Variants in SLCO1A2 observed in about 807,000 individuals in gnomAD.
The protein encoded by SLCO1A2 is OATP-1.
SLCO1A2 carries 67 observed loss-of-function variants against 69.0 expected under a neutral mutation model. That is an observed-to-expected ratio of 0.97 (90% CI 0.80 to 1.19). The LOEUF (loss-of-function observed/expected upper bound fraction) is 1.19, where lower values mean the gene tolerates loss of function less well. Among genes scored for constraint, SLCO1A2 ranks in the 50% most tolerant of loss-of-function variants. SLCO1A2 has a pLI of 0.00. For missense variants in SLCO1A2, 787 were observed against 793.7 expected (o/e 0.99, Z 0.10); for synonymous variants, 260 against 265.9 (o/e 0.98, Z 0.22).
At chr12:21,298,562 T>C (rs567909458) in intron 8 of SLCO1A2, among the ~76,000 whole-genome samples, 1 of 152,310 alleles carries the variant, frequency 6.6e-6, no homozygotes, top group South Asian at 2.1e-4. Context: ...GACACACAGA[T>C]TAATGCAAGT....
chr12:21,386,278 A>T (rs1446228945), intron 1 of SLCO1A2, among the ~76,000 whole-genome samples: 3 of 152,136 alleles, frequency 2.0e-5, no homozygotes. Flanking sequence ...TTTATATATT[A>T]AAAAAACAAT....
chr12:21,366,481 G>T (rs571347708), intron 2 of SLCO1A2, among the ~76,000 whole-genome samples: 5 of 151,922 alleles, frequency 3.3e-5, no homozygotes, highest in Non-Finnish European at 7.4e-5. Context: ...CCAACATGGC[G>T]CACGTATTCC....
At chr12:21,304,338 A>C in intron 6 of SLCO1A2, 89 bp downstream of exon 6, 2 of 1,078,298 alleles carry the variant, frequency 1.9e-6, no homozygotes, top group Non-Finnish European at 2.7e-6. Context: ...TCATTGTGGA[A>C]ATCACTAAGA....
At chr12:21,415,747 G>T (rs1272005544) in intron 1 of SLCO1A2, among the ~76,000 whole-genome samples, 1 of 151,930 alleles carries the variant, frequency 6.6e-6, no homozygotes, top group African/African-American at 2.4e-5. Context: ...TATAGTATAT[G>T]TGTATGTGCT....
At chr12:21,300,891 A>C (rs1423094454) in intron 7 of SLCO1A2, among the ~76,000 whole-genome samples, 1 of 152,256 alleles carries the variant, frequency 6.6e-6, no homozygotes, top group Non-Finnish European at 1.5e-5. Context: ...AAATAAATTC[A>C]AACCTACATG....
chr12:21,347,665 A>AAGAAAGGAAGGAAGGAAGG (rs1565510400), intron 2 of SLCO1A2, among the ~76,000 whole-genome samples: 1 of 6,388 alleles, frequency 1.6e-4, no homozygotes, highest in Admixed American at 2.6e-3. Flanking sequence ...AAGAAGAAAG[A>AAGAAAGGAAGGAAGGAAGG]AAGAAAGGAA....
At chr12:21,399,928 A>C (rs1941630023), upstream of SLCO1A2, among the ~76,000 whole-genome samples, 1 of 151,906 alleles carries the variant, frequency 6.6e-6, no homozygotes, top group African/African-American at 2.4e-5. Context: ...AAACCCTAGA[A>C]GAAAAGCTAG....
chr12:21,271,650 TAC>T (rs1942864475), intron 14 of SLCO1A2, among the ~76,000 whole-genome samples: 1 of 148,720 alleles, frequency 6.7e-6, no homozygotes, highest in Non-Finnish European at 1.5e-5. Context: ...CATCTTTATA[TAC>T]ATATGTGTAT....
chr12:21,275,018 C>T (rs4337089), intron 13 of SLCO1A2: 123,271 of 1,015,206 alleles, frequency 0.12, 8,178 homozygotes, highest in Non-Finnish European at 0.13. Flanking sequence ...ATATTTATAA[C>T]GTGCTTTTTA....
At chr12:21,320,928 C>T (rs1296301324) in intron 2 of SLCO1A2, among the ~76,000 whole-genome samples, 2 of 152,188 alleles carry the variant, frequency 1.3e-5, no homozygotes, top group Non-Finnish European at 2.9e-5. Context: ...TTCCCTCAGC[C>T]TTGATGGTTA....
chr12:21,377,730 C>T (rs900262863), intron 1 of SLCO1A2, among the ~76,000 whole-genome samples: 5 of 152,138 alleles, frequency 3.3e-5, no homozygotes, highest in Non-Finnish European at 7.4e-5. Flanking sequence ...TTGCATATTG[C>T]AGAATTCCCT....
At chr12:21,414,800 T>C (rs1376559426) in intron 1 of SLCO1A2, among the ~76,000 whole-genome samples, 2 of 152,230 alleles carry the variant, frequency 1.3e-5, no homozygotes, top group Non-Finnish European at 1.5e-5. Context: ...CCTGGATTTA[T>C]AAACATTTCT....
At chr12:21,371,490 T>C (rs1939785182) in intron 2 of SLCO1A2, among the ~76,000 whole-genome samples, 4 of 152,178 alleles carry the variant, frequency 2.6e-5, no homozygotes, top group Admixed American at 2.6e-4. Flanking sequence ...TCTAAACAAG[T>C]TTCTTTCCTC....
At chr12:21,359,089 G>T (rs1441711021) in intron 2 of SLCO1A2, among the ~76,000 whole-genome samples, 1 of 152,092 alleles carries the variant, frequency 6.6e-6, no homozygotes, top group East Asian at 1.9e-4. Context: ...GGGATTTTTA[G>T]ACCCCAGAAA....
At chr12:21,276,973 G>A (rs1400372643) in intron 12 of SLCO1A2, among the ~76,000 whole-genome samples, 6 of 152,200 alleles carry the variant, frequency 3.9e-5, no homozygotes, top group Non-Finnish European at 7.3e-5. Context: ...AGGTTGCAAG[G>A]ACTACAACTC....
intron 2 of SLCO1A2, among the ~76,000 whole-genome samples, chr12:21,371,967 A>G (rs1171774253): frequency 1.3e-5 from 2 of 151,946 alleles, no homozygotes; most frequent in Non-Finnish European, 2.9e-5. Flanking sequence ...GCACCCTTGT[A>G]CTCCAGCCTG....
chr12:21,397,506 C>T (rs576294945), upstream of SLCO1A2, among the ~76,000 whole-genome samples: 6,069 of 152,072 alleles, frequency 0.04, 153 homozygotes, highest in Non-Finnish European at 0.049. Context: ...CTGAACTCAG[C>T]TCTGCACCAA....
Position 21,304,590 on chromosome 12 carries a change from A to C in SLCO1A2, c.443-17T>G. On this transcript the variant is annotated splice_polypyrimidine_tract_variant and intron_variant, in intron 5 of 14. Coordinates refer to ENST00000683939, the MANE Select transcript of SLCO1A2 (RefSeq NM_001386879.1). ...TTGTACACTCTGCATTAAAAAAAAA[A>C]GACATGACATTAGTGCTTTGACGAT... is the stretch of plus-strand genomic sequence containing the variant. 1 of 1,532,506 alleles carries C rather than the reference A, an allele frequency of 6.5e-7. No individual in the cohort carries two copies. Among genetic ancestry groups the C allele is most frequent in the Non-Finnish European group, 8.9e-7 (1 of 1,125,336 alleles). 94.9% of individuals were successfully genotyped at this position (1,532,506 alleles called of 1,614,324 possible). A position where few individuals can be genotyped will look rare whatever the true frequency, so the allele number is the denominator to read the frequency against.
rs866217515 is a variant in SLCO1A2 at position 21,276,425 on chromosome 12, G to A, written c.1611-1001C>T. Among the ~76,000 whole-genome samples the A allele has an allele frequency of 8.6e-4, 109 of 126,828 alleles. 1 individual carries two copies. In the Middle Eastern group the frequency reaches 0.032, roughly 38 times the overall value. The allele number at this position is 126,828 out of a possible 152,430, so 83.2% of individuals were successfully genotyped here. A position where few individuals can be genotyped will look rare whatever the true frequency, so the allele number is the denominator to read the frequency against. On this transcript the variant is annotated intron_variant, in intron 12 of 14. Coordinates refer to ENST00000683939, the MANE Select transcript of SLCO1A2 (RefSeq NM_001386879.1). ...ACACACACACACACACACACACACA[G>A]ACCTATCTGTCCAAAATAGTGCAAT...
Sources: allele counts gnomAD v4.1 joint callset (sites outside exome capture counted in the v4.1 genomes callset), GRCh38; gene constraint gnomAD v4.1.1; transcripts MANE v1.5; gene names NCBI Gene and HGNC (gene_info 2026-07-23, HGNC 2026-07-21).